IK: variants seen among roughly 807,000 people sequenced by gnomAD.
IK encodes the protein protein Red.
IK carries 47 observed loss-of-function variants against 90.9 expected under a neutral mutation model. The ratio of observed to expected loss-of-function variants is 0.52; its 90% CI spans 0.41 to 0.66. The LOEUF is 0.66. Among genes scored for constraint, IK ranks in the 30% least tolerant of loss-of-function variants. IK has a pLI of 0.00. For synonymous variants in IK, 201 were observed against 227.5 expected (o/e 0.88, Z 1.05); for missense variants, 385 against 709.3 (o/e 0.54, Z 5.19).
In IK at chr5:140,660,133, CAA is replaced by C; in HGVS notation, c.1297_1298del (p.Lys433AlafsTer22). Reference protein sequence around the residue: ...GTESLKKPEDKKQLGDFFGMS... With the variant: ...GTESLKKPEDXKQLGDFFGMS... ...AGCATATGCTGAAGAAGCCAGAAGACAAAAAGCAGCTGGGAGATTTCTTTGGC... is the reference window on the plus strand; with the variant it reads ...AGCATATGCTGAAGAAGCCAGAAGACAAAGCAGCTGGGAGATTTCTTTGGC... On this transcript the variant is annotated frameshift_variant, in exon 15 of 20. Coordinates refer to ENST00000417647, the MANE Select transcript of IK (RefSeq NM_006083.4). LOFTEE classifies it high-confidence loss of function. 1 of 1,613,470 alleles carries C rather than the reference CAA, an allele frequency of 6.2e-7. No individual in the cohort carries two copies. Among genetic ancestry groups the C allele is most frequent in the South Asian group, 1.1e-5 (1 of 91,042 alleles).
chr5:140,651,970 T>C (rs1757623146), intron 3 of IK, 118 bp from the exon 4 acceptor site: 2 of 883,626 alleles, frequency 2.3e-6, no homozygotes, highest in South Asian at 2.8e-5. Context: ...TTCTGCTTGA[T>C]TGAAAGTGTT....
intron 6 of IK, 53 bp from the exon 7 acceptor site, chr5:140,654,463 T>C (rs1561975561): frequency 3.0e-6 from 4 of 1,344,982 alleles, no homozygotes; most frequent in Admixed American, 4.0e-5. Context: ...GTGTAGTGGA[T>C]GTTCAATAAA....
chr5:140,662,421 G>A lies in IK; in HGVS notation c.*92G>A. ...AAAGGTTGCAAGATGTTTTTTTGTGGATGAATATAAAATTTTATTGTGTAA... is the reference window on the plus strand; with the variant it reads ...AAAGGTTGCAAGATGTTTTTTTGTGAATGAATATAAAATTTTATTGTGTAA... On this transcript the variant is annotated 3_prime_UTR_variant, in exon 20 of 20. Transcript: ENST00000417647. 1 of 1,350,478 alleles carries A rather than the reference G, an allele frequency of 7.4e-7. No homozygotes were observed. The highest frequency in any genetic ancestry group is 1.1e-6 in the Non-Finnish European group (1 of 947,990). 83.7% of individuals were successfully genotyped at this position (1,350,478 alleles called of 1,614,324 possible).
Position 140,661,744 on chromosome 5 carries a change from G to A in IK, c.1502+36G>A. On this transcript the variant is annotated intron_variant, in intron 17 of 19. Transcript: ENST00000417647. The surrounding 1 kb of genome is among the most constrained non-coding windows in gnomAD (Gnocchi z 4.2). ...ACTGAATATGGGCAGGGTGTGAGGA[G>A]GGGTGTGGGGATTTGGTGGAATAGT... 2.6e-6 allele frequency: 4 copies of A among 1,521,686 alleles called. No homozygotes were observed. Among genetic ancestry groups the A allele is most frequent in the Non-Finnish European group, 3.6e-6 (4 of 1,108,330 alleles). 94.3% of individuals were successfully genotyped at this position (1,521,686 alleles called of 1,614,324 possible).
chr5:140,661,611 C>T lies in IK; in HGVS notation c.1414-9C>T, dbSNP rs1757803531. ...TCCTTCCCCATCCCCCGATTCTGTC[C>T]TGCAACAGGGTAACAAGAAGGGGCC... On this transcript the variant is annotated splice_polypyrimidine_tract_variant and intron_variant, in intron 16 of 19. Coordinates refer to ENST00000417647, the MANE Select transcript of IK (RefSeq NM_006083.4). The surrounding 1 kb of genome is among the most constrained non-coding windows in gnomAD (Gnocchi z 4.2). The T allele has an allele frequency of 1.9e-6, 3 of 1,596,854 alleles. No homozygotes were observed. Among genetic ancestry groups the T allele is most frequent in the Non-Finnish European group, 2.6e-6 (3 of 1,169,632 alleles).
chr5:140,660,087 G>A, intron 14 of IK, 28 bp from the exon 15 acceptor site: 2 of 1,592,748 alleles, frequency 1.3e-6, no homozygotes, highest in South Asian at 1.1e-5. Context: ...GTAGAATCCT[G>A]TGTAGTGTTT....
chr5:140,652,040 G>C, intron 3 of IK, 48 bp from the exon 4 acceptor site: 1 of 1,448,964 alleles, frequency 6.9e-7, no homozygotes, highest in Non-Finnish European at 9.7e-7. Flanking sequence ...TGGGGTTTCT[G>C]GGGCTGTGGC....
At position 140,661,964 on chromosome 5, in the gene IK, A is replaced by G. The variant is rs774295572; in HGVS notation, c.1568A>G (p.Asn523Ser). 15 of 1,611,452 alleles carry G rather than the reference A, an allele frequency of 9.3e-6. No individual in the cohort carries two copies. The highest frequency in any genetic ancestry group is 2.2e-5 in the East Asian group (1 of 44,848). The change falls in exon 18 of 20, where the codon AAT becomes AGT. Residue 523 changes from asparagine to serine, a missense_variant. Physicochemically the swap from Asn to Ser is conservative, Grantham distance 46. Coordinates refer to ENST00000417647, the MANE Select transcript of IK (RefSeq NM_006083.4). This position sits in a 1 kb window ranked among gnomAD's most constrained non-coding sequence, Gnocchi z 4.2. ...GRKTRRFKET[N>S]DKAELDRQWK... The stretch of plus-strand genomic sequence containing the variant: ...AAAACCAGGCGCTTCAAGGAAACCA[A>G]TGACAAAGCAGAGCTTGATCGCCAG...
intron 1 of IK, 47 bp downstream of exon 1, chr5:140,647,971 A>G (rs764303843): frequency 1.8e-5 from 28 of 1,593,850 alleles, no homozygotes; most frequent in African/African-American, 2.7e-5. Context: ...CACTTGGGGC[A>G]CTTGGCGCAT....
Position 140,661,536 on chromosome 5 carries a change from A to C in IK, c.1414-84A>C. The C allele has an allele frequency of 1.2e-6, 1 of 810,004 alleles. No homozygotes were observed. Among genetic ancestry groups the C allele is most frequent in the Non-Finnish European group, 2.0e-6 (1 of 491,856 alleles). 50.2% of individuals were successfully genotyped at this position (810,004 alleles called of 1,614,324 possible). On this transcript the variant is annotated intron_variant, in intron 16 of 19. Transcript: ENST00000417647. The surrounding 1 kb of genome is among the most constrained non-coding windows in gnomAD (Gnocchi z 4.2). ...GAATTGTGGAACCTGGGATTATGGG[A>C]GAGTCTGGCTTCAATCAAGGGCTGA...
At chr5:140,648,841 T>C (rs1175320860) in intron 2 of IK, 4 of 334,934 alleles carry the variant, frequency 1.2e-5, no homozygotes, top group Admixed American at 9.3e-5. Flanking sequence ...TAAAATCATC[T>C]TTTTATTTTT....
At position 140,662,001 on chromosome 5, in the gene IK, T is replaced by C. The variant is rs756254920; in HGVS notation, c.1605T>C (p.Ile535=). Residue 535 remains isoleucine, a synonymous_variant, in exon 18 of 20, where the codon ATT becomes ATC. Coordinates refer to ENST00000417647, the MANE Select transcript of IK (RefSeq NM_006083.4). Reference sequence around the variant, plus strand: ...AGCTTGATCGCCAGTGGAAGAAGATTAGTGCAGTAAGTAGGATGGCCCCTT... The same window carrying C: ...AGCTTGATCGCCAGTGGAAGAAGATCAGTGCAGTAAGTAGGATGGCCCCTT... ...KAELDRQWKK[I]SAIIEKRKKM... 1 of 1,605,762 alleles carries C rather than the reference T, an allele frequency of 6.2e-7. No individual in the cohort carries two copies. Among genetic ancestry groups the C allele is most frequent in the African/African-American group, 1.3e-5 (1 of 74,876 alleles).
chr5:140,652,362 A>C (rs1757628062), intron 4 of IK, among the ~76,000 whole-genome samples: 1 of 152,156 alleles, frequency 6.6e-6, no homozygotes, highest in African/African-American at 2.4e-5. Context: ...TGGATAACCT[A>C]GACATTTGCT....
Position 140,647,878 on chromosome 5 carries a change from T to A in IK, c.-31T>A, listed in dbSNP as rs754133084. 1.2e-6 allele frequency: 2 copies of A among 1,613,714 alleles called. No individual in the cohort carries two copies. The highest frequency in any genetic ancestry group is 1.7e-5 in the Admixed American group (1 of 60,030). On this transcript the variant is annotated 5_prime_UTR_variant, in exon 1 of 20. The change creates a new upstream start codon in the 5' untranslated region. Coordinates refer to ENST00000417647, the MANE Select transcript of IK (RefSeq NM_006083.4). ...TGCGGTGTTGCTGTTGGAGACTCGA[T>A]TGTTGGTGACAGCGAAAGAACGATA...
Position 140,653,049 on chromosome 5 carries a change from C to T in IK, c.309C>T (p.Ala103=). ...TAGCAGAGAAGTACCGGGATCGTGC[C>T]AAGGAACGGAGAGATGGAGTGAACA... ...RELAEKYRDR[A]KERRDGVNKD... Residue 103 remains alanine, a synonymous_variant, in exon 5 of 20, where the codon GCC becomes GCT. Transcript: ENST00000417647. The T allele has an allele frequency of 6.2e-7, 1 of 1,613,848 alleles. No individual in the cohort carries two copies.
Position 140,648,034 on chromosome 5 carries a change from GTGTGTGTGTGTATGTA to G in IK, c.16+114_16+129del, listed in dbSNP as rs1406856189. ...TGTGTGTGTGTGTGTGTGTGTGTGT[GTGTGTGTGTGTATGTA>G]TGTATGTGTGACGCTTGAGCCCGGA... On this transcript the variant is annotated intron_variant, in intron 1 of 19. Coordinates refer to ENST00000417647, the MANE Select transcript of IK (RefSeq NM_006083.4). The G allele has an allele frequency of 3.8e-3, 3,945 of 1,047,820 alleles. 59 individuals are homozygous for G. The African/African-American group carries it at 0.039, about 10-fold the overall frequency. 64.9% of individuals were successfully genotyped at this position (1,047,820 alleles called of 1,614,324 possible). A position where few individuals can be genotyped will look rare whatever the true frequency, so the allele number is the denominator to read the frequency against.
chr5:140,648,207 T>C, intron 1 of IK: 1 of 704,172 alleles, frequency 1.4e-6, no homozygotes, highest in East Asian at 2.7e-5. Flanking sequence ...TACTTAATCC[T>C]GGGTTGCGCG....
chr5:140,661,843 A>G lies in IK; in HGVS notation c.1503-56A>G. ...TTCTTTGCCCACAGGACTCTGGGAA[A>G]ACCTCGCCACTGCTATGCAATCTCT... On this transcript the variant is annotated intron_variant, in intron 17 of 19. Coordinates refer to ENST00000417647, the MANE Select transcript of IK (RefSeq NM_006083.4). The surrounding 1 kb of genome is among the most constrained non-coding windows in gnomAD (Gnocchi z 4.2). The G allele has an allele frequency of 2.0e-6, 3 of 1,511,704 alleles. No individual in the cohort carries two copies. The highest frequency in any genetic ancestry group is 1.8e-6 in the Non-Finnish European group (2 of 1,106,418). 93.6% of individuals were successfully genotyped at this position (1,511,704 alleles called of 1,614,324 possible).
Position 140,652,213 on chromosome 5 carries a change from T to G in IK, c.236+66T>G. The G allele has an allele frequency of 2.5e-6, 3 of 1,198,124 alleles. No homozygotes were observed. In the South Asian group the frequency reaches 3.7e-5, roughly 15 times the overall value. 74.2% of individuals were successfully genotyped at this position (1,198,124 alleles called of 1,614,324 possible). ...GTGTTTAGGGGAAAGAAGTAGGGGCTAATTATGAAGCTAGAAACTAAGATT... is the reference window on the plus strand; with the variant it reads ...GTGTTTAGGGGAAAGAAGTAGGGGCGAATTATGAAGCTAGAAACTAAGATT... On this transcript the variant is annotated intron_variant, in intron 4 of 19. Coordinates refer to ENST00000417647, the MANE Select transcript of IK (RefSeq NM_006083.4).
Sources: gnomAD v4.1 joint callset for allele counts (sites outside exome capture counted in the v4.1 genomes callset) on GRCh38, gnomAD v4.1.1 for gene constraint, Gnocchi (gnomAD v3.1) non-coding constraint, MANE v1.5 for transcripts, NCBI Gene and HGNC (gene_info 2026-07-23, HGNC 2026-07-21) for gene names.